AUTS2: variants seen among roughly 807,000 people sequenced by gnomAD.
The protein encoded by AUTS2 is autism susceptibility gene 2 protein.
In AUTS2, 17 loss-of-function variants were observed where a neutral mutation model predicts 112.4. That is an observed-to-expected ratio of 0.15 (90% CI 0.10 to 0.23). The LOEUF (loss-of-function observed/expected upper bound fraction) is 0.23. Ranked by LOEUF, AUTS2 falls within the 10% of genes least tolerant of loss-of-function variation. The probability of loss-of-function intolerance (pLI) is 1.00; values close to 1 mark genes in which losing one functional copy is unlikely to be tolerated. For synonymous variants in AUTS2, 751 were observed against 702.7 expected, an observed-to-expected ratio of 1.07 and a Z score of -1.09; for missense variants, 1,510 against 1,701.6, an observed-to-expected ratio of 0.89 and a Z score of 1.98.
Position 70,368,063 on chromosome 7 carries a change from T to C in AUTS2, c.661-67689T>C, listed in dbSNP as rs75819985. ...TAGGCTAGGGATACCTGTATGTCTCTGGGATAGTAAGGGGTTTGGAATCAC... is the reference window on the plus strand; with the variant it reads ...TAGGCTAGGGATACCTGTATGTCTCCGGGATAGTAAGGGGTTTGGAATCAC... On this transcript the variant is annotated intron_variant, in intron 4 of 18. Transcript: ENST00000342771. 6.9e-3 allele frequency among the ~76,000 whole-genome samples: 1,049 copies of C among 152,262 alleles called. 6 individuals carry two copies. Among genetic ancestry groups the C allele is most frequent in the African/African-American group, 0.022 (931 of 41,546 alleles).
intron 1 of AUTS2, among the ~76,000 whole-genome samples, chr7:69,850,194 G>A (rs571298735): frequency 2.0e-5 from 3 of 151,694 alleles, no homozygotes; most frequent in African/African-American, 7.3e-5. Context: ...AGCTACTCGG[G>A]AGGCTGAGGA....
At chr7:69,953,110 A>G (rs1191981218) in intron 2 of AUTS2, among the ~76,000 whole-genome samples, 1 of 152,206 alleles carries the variant, frequency 6.6e-6, no homozygotes, top group Non-Finnish European at 1.5e-5. Context: ...CATAAAACCT[A>G]TCTCAATGTT....
intron 2 of AUTS2, among the ~76,000 whole-genome samples, chr7:69,955,296 G>T (rs1367249556): frequency 2.0e-5 from 3 of 152,098 alleles, no homozygotes; most frequent in African/African-American, 7.2e-5. Flanking sequence ...GTTAGGTCAG[G>T]ATGCATAAAC....
At chr7:69,884,139 G>C (rs933468477) in intron 1 of AUTS2, among the ~76,000 whole-genome samples, 7 of 152,182 alleles carry the variant, frequency 4.6e-5, no homozygotes, top group African/African-American at 1.7e-4. Context: ...TTCTAAGGTA[G>C]ATACCTGTGA....
At chr7:69,690,772 A>T (rs775696227) in intron 1 of AUTS2, among the ~76,000 whole-genome samples, 3 of 152,214 alleles carry the variant, frequency 2.0e-5, no homozygotes, top group Non-Finnish European at 4.4e-5. Flanking sequence ...GTCACCTGCA[A>T]TGTGGCTATT....
Position 70,713,145 on chromosome 7 carries a change from C to T in AUTS2, c.742+14525C>T, listed in dbSNP as rs77752597. On this transcript the variant is annotated intron_variant, in intron 6 of 18. Coordinates refer to ENST00000342771, the MANE Select transcript of AUTS2 (RefSeq NM_015570.4). The stretch of plus-strand genomic sequence containing the variant: ...AACCAGCTGAGCTAACTTGCTCAAC[C>T]GCTTCTGAAAGACAAACTGTTCCAT... Among the ~76,000 whole-genome samples the T allele has an allele frequency of 5.6e-3, 858 of 152,312 alleles. 3 individuals carry two copies. Among genetic ancestry groups the T allele is most frequent in the East Asian group, 0.015 (77 of 5,182 alleles).
intron 5 of AUTS2, among the ~76,000 whole-genome samples, chr7:70,442,748 A>G (rs1027825635): frequency 2.0e-5 from 3 of 152,154 alleles, no homozygotes; most frequent in African/African-American, 7.2e-5. Flanking sequence ...TTGGCCTCCC[A>G]AAGTGTTGGG....
intron 6 of AUTS2, among the ~76,000 whole-genome samples, chr7:70,749,367 G>T (rs1563170162): frequency 6.6e-6 from 1 of 152,072 alleles, no homozygotes; most frequent in African/African-American, 2.4e-5. Flanking sequence ...CGGGGAGGGG[G>T]GTCCGCGAAT....
chr7:70,318,847 C>A (rs1392014328), intron 4 of AUTS2, among the ~76,000 whole-genome samples: 1 of 152,204 alleles, frequency 6.6e-6, no homozygotes, highest in Non-Finnish European at 1.5e-5. Flanking sequence ...AGCAGAACTG[C>A]TGCATTAGGT....
intron 5 of AUTS2, among the ~76,000 whole-genome samples, chr7:70,464,065 G>T (rs931865590): frequency 1.3e-5 from 2 of 152,176 alleles, no homozygotes; most frequent in Admixed American, 6.5e-5. Flanking sequence ...GGAAAGGGGG[G>T]CCTGTTAATC....
rs143474221 is a variant in AUTS2 at position 69,612,766 on chromosome 7, A to G, written c.309+12804A>G. Among the ~76,000 whole-genome samples the G allele has an allele frequency of 7.9e-5, 12 of 152,120 alleles. No homozygotes were observed. In the East Asian group the frequency reaches 2.3e-3, roughly 29 times the overall value. On this transcript the variant is annotated intron_variant, in intron 1 of 18. Coordinates refer to ENST00000342771, the MANE Select transcript of AUTS2 (RefSeq NM_015570.4). Reference sequence around the variant, plus strand: ...GCCACTGCGCAGCATTTTATTTCTTATGTATTGTTATTCTCTCTGTATTCT... The same window carrying G: ...GCCACTGCGCAGCATTTTATTTCTTGTGTATTGTTATTCTCTCTGTATTCT...
In AUTS2 at chr7:70,759,430, G is replaced by A. The variant is rs149848306; in HGVS notation, c.743-3440G>A. Among the ~76,000 whole-genome samples the A allele has an allele frequency of 8.0e-4, 122 of 152,306 alleles. 2 individuals are homozygous for A. In the East Asian group the frequency reaches 0.019, roughly 24 times the overall value. On this transcript the variant is annotated intron_variant, in intron 6 of 18. Transcript: ENST00000342771. ...CCTCAGAAAGGCAGAATCTAGAGCC[G>A]CATCCCAGAGCTGTGGAATCTGGAT...
chr7:69,785,256 T>C (rs1483843944), intron 1 of AUTS2, among the ~76,000 whole-genome samples: 2 of 152,238 alleles, frequency 1.3e-5, no homozygotes, highest in Non-Finnish European at 2.9e-5. Context: ...TTTCCAAGGA[T>C]TTAGCTTCTC....
At chr7:70,305,465 T>G (rs544185174) in intron 4 of AUTS2, among the ~76,000 whole-genome samples, 25 of 152,374 alleles carry the variant, frequency 1.6e-4, no homozygotes, top group African/African-American at 6.0e-4. Context: ...CATAAAAATA[T>G]TGAATTTGGA....
intron 15 of AUTS2, chr7:70,782,978 A>G (rs1791190051): frequency 6.6e-6 from 1 of 152,082 alleles, no homozygotes; most frequent in Admixed American, 6.5e-5. Flanking sequence ...CTCTGTTACC[A>G]TGGCACCTAG....
intron 5 of AUTS2, among the ~76,000 whole-genome samples, chr7:70,614,980 TCA>T (rs1470539366): frequency 6.6e-6 from 1 of 152,216 alleles, no homozygotes; most frequent in Non-Finnish European, 1.5e-5. Flanking sequence ...CTGGCTGAAC[TCA>T]CAGCTTGGAC....
chr7:69,632,029 G>A (rs1794267805), intron 1 of AUTS2, among the ~76,000 whole-genome samples: 1 of 152,130 alleles, frequency 6.6e-6, no homozygotes, highest in Admixed American at 6.5e-5. Context: ...TTAGGATCTG[G>A]AGAGGGCAGT....
intron 2 of AUTS2, among the ~76,000 whole-genome samples, chr7:70,081,378 C>T (rs940602092): frequency 1.9e-4 from 28 of 144,746 alleles, no homozygotes; most frequent in Non-Finnish European, 3.6e-4. Flanking sequence ...TGGCGAAACC[C>T]CGTCTCTATA....
intron 2 of AUTS2, among the ~76,000 whole-genome samples, chr7:69,946,249 A>G (rs1796804826): frequency 1.3e-5 from 2 of 152,122 alleles, no homozygotes; most frequent in Non-Finnish European, 2.9e-5. Context: ...GGTTCACCCA[A>G]GTTGTTACAA....
Sources: allele counts gnomAD v4.1 joint callset (sites outside exome capture counted in the v4.1 genomes callset), GRCh38; gene constraint gnomAD v4.1.1; transcripts MANE v1.5; gene names NCBI Gene and HGNC (gene_info 2026-07-23, HGNC 2026-07-21).